Variants in EXOC6B observed in about 807,000 individuals in gnomAD.
The protein encoded by EXOC6B is SEC15 homolog B.
A neutral mutation model predicts 113.5 loss-of-function variants in EXOC6B; 54 were observed. The observed-to-expected ratio is 0.48, with a 90% CI of 0.38 to 0.60. The LOEUF is 0.60. EXOC6B is among the 20% of genes least tolerant of loss of function. The pLI is 0.00. For missense variants in EXOC6B, 797 were observed against 977.5 expected, an observed-to-expected ratio of 0.82 and a Z score of 2.46; for synonymous variants, 357 against 339.0, an observed-to-expected ratio of 1.05 and a Z score of -0.58.
chr2:72,355,811 A>G (rs1162076186), intron 19 of EXOC6B, among the ~76,000 whole-genome samples: 22 of 152,148 alleles, frequency 1.4e-4, no homozygotes, highest in Admixed American at 1.4e-3. Context: ...CCCATAGGAA[A>G]TTTGCATTTT....
chr2:72,637,284 G>T (rs906596576), intron 6 of EXOC6B, among the ~76,000 whole-genome samples: 2 of 152,024 alleles, frequency 1.3e-5, no homozygotes, highest in African/African-American at 4.8e-5. Context: ...TTGACAAATG[G>T]GATCTAATTA....
intron 18 of EXOC6B, among the ~76,000 whole-genome samples, chr2:72,421,871 G>A (rs1694891022): frequency 6.6e-6 from 1 of 152,224 alleles, no homozygotes; most frequent in Non-Finnish European, 1.5e-5. Context: ...AGCGCTTGCG[G>A]GCCAGCTGGA....
chr2:72,391,227 T>C (rs1156358185), intron 18 of EXOC6B, among the ~76,000 whole-genome samples: 1 of 152,232 alleles, frequency 6.6e-6, no homozygotes, highest in African/African-American at 2.4e-5. Flanking sequence ...TCTAGATGTT[T>C]ATGGTTGAGA....
intron 18 of EXOC6B, among the ~76,000 whole-genome samples, chr2:72,413,695 A>AG (rs1553402386): frequency 0.014 from 1,600 of 114,440 alleles, 46 homozygotes; most frequent in African/African-American, 0.062. Context: ...AAAGAAAAAA[A>AG]AAAAAAGAAA....
chr2:72,643,808 A>T (rs1051185375), intron 6 of EXOC6B, among the ~76,000 whole-genome samples: 54 of 150,276 alleles, frequency 3.6e-4, no homozygotes, highest in South Asian at 1.7e-3. Context: ...AAAAAAAATT[A>T]AAAAATAAAT....
intron 15 of EXOC6B, 27 bp from the exon 16 acceptor site, chr2:72,492,456 C>A: frequency 6.9e-7 from 1 of 1,457,074 alleles, no homozygotes; most frequent in South Asian, 1.1e-5. Context: ...AAGAGTCAGT[C>A]ATAGCAGGTA....
chr2:72,269,172 G>C (rs1170753707), intron 20 of EXOC6B, among the ~76,000 whole-genome samples: 1 of 151,576 alleles, frequency 6.6e-6, no homozygotes, highest in African/African-American at 2.4e-5. Context: ...TAACTCTACA[G>C]ATTTCTAAAT....
At chr2:72,461,108 A>G (rs1404963585) in intron 18 of EXOC6B, among the ~76,000 whole-genome samples, 8 of 151,180 alleles carry the variant, frequency 5.3e-5, no homozygotes, top group Non-Finnish European at 1.2e-4. Flanking sequence ...TATGGCAAGG[A>G]CAAAGAACCA....
At chr2:72,438,719 G>A (rs1696028093) in intron 18 of EXOC6B, among the ~76,000 whole-genome samples, 1 of 151,980 alleles carries the variant, frequency 6.6e-6, no homozygotes, top group Non-Finnish European at 1.5e-5. Context: ...CATTATTATG[G>A]TAAAATAAAT....
chr2:72,592,257 G>C (rs1026310853), intron 6 of EXOC6B, among the ~76,000 whole-genome samples: 5 of 152,170 alleles, frequency 3.3e-5, no homozygotes, highest in Admixed American at 2.0e-4. Context: ...TTCTTCCTTT[G>C]AGGGCATTTG....
chr2:72,612,265 A>C (rs1671120378), intron 6 of EXOC6B, among the ~76,000 whole-genome samples: 1 of 150,914 alleles, frequency 6.6e-6, no homozygotes, highest in Non-Finnish European at 1.5e-5. Context: ...ACAGAGCGAG[A>C]CTCTGTCTCA....
chr2:72,475,902 C>T (rs1698709551), intron 17 of EXOC6B, among the ~76,000 whole-genome samples: 1 of 152,178 alleles, frequency 6.6e-6, no homozygotes, highest in Admixed American at 6.5e-5. Flanking sequence ...AGCATCTCGG[C>T]CCCTGGTGTG....
chr2:72,588,326 T>C (rs917133568), intron 6 of EXOC6B, among the ~76,000 whole-genome samples: 2 of 152,016 alleles, frequency 1.3e-5, no homozygotes, highest in East Asian at 3.9e-4. Flanking sequence ...GGCATATACA[T>C]ACAATGAAAT....
intron 6 of EXOC6B, among the ~76,000 whole-genome samples, chr2:72,643,486 C>G (rs1673427401): frequency 1.3e-5 from 2 of 149,200 alleles, no homozygotes; most frequent in African/African-American, 5.0e-5. Flanking sequence ...AATTGGAAAT[C>G]ATCATTCTCA....
At chr2:72,466,110 C>T (rs1404725635) in intron 17 of EXOC6B, among the ~76,000 whole-genome samples, 1 of 151,864 alleles carries the variant, frequency 6.6e-6, no homozygotes, top group Non-Finnish European at 1.5e-5. Flanking sequence ...TTTGGGAGGC[C>T]GAAGTGGGTG....
chr2:72,823,456 T>TAAGAAAA lies in EXOC6B; in HGVS notation c.113+2335_113+2341dup, dbSNP rs1177458596. 6.3e-4 allele frequency among the ~76,000 whole-genome samples: 23 copies of TAAGAAAA among 36,258 alleles called. 1 individual carries two copies. Among genetic ancestry groups the TAAGAAAA allele is most frequent in the African/African-American group, 1.8e-3 (22 of 12,306 alleles). The allele number at this position is 36,258 out of a possible 152,430, so 23.8% of individuals were successfully genotyped here. On this transcript the variant is annotated intron_variant, in intron 1 of 21. Coordinates refer to ENST00000272427, the MANE Select transcript of EXOC6B (RefSeq NM_015189.3). ...CAACCAACTTCTCAAATCAAAGTTTTAAGAAAAAAAAAAAAAAAAAAACAA... is the reference window on the plus strand; with the variant it reads ...CAACCAACTTCTCAAATCAAAGTTTTAAGAAAAAAGAAAAAAAAAAAAAAAAAAACAA...
chr2:72,616,342 A>G (rs1236816929), intron 6 of EXOC6B, among the ~76,000 whole-genome samples: 1 of 152,210 alleles, frequency 6.6e-6, no homozygotes, highest in African/African-American at 2.4e-5. Context: ...CAAAAAGAAC[A>G]AAAGCTGGAG....
At chr2:72,449,853 T>C (rs1015576199) in intron 18 of EXOC6B, among the ~76,000 whole-genome samples, 1 of 152,168 alleles carries the variant, frequency 6.6e-6, no homozygotes, top group African/African-American at 2.4e-5. Context: ...TAATACTCTG[T>C]CCGACACATG....
chr2:72,664,541 T>G (rs979060780), intron 6 of EXOC6B, among the ~76,000 whole-genome samples: 3 of 152,106 alleles, frequency 2.0e-5, no homozygotes, highest in Non-Finnish European at 4.4e-5. Context: ...GAGGCATAAC[T>G]CCAACCTGAG....
Sources: gnomAD v4.1 joint callset for allele counts (sites outside exome capture counted in the v4.1 genomes callset) on GRCh38, gnomAD v4.1.1 for gene constraint, MANE v1.5 for transcripts, NCBI Gene and HGNC (gene_info 2026-07-23, HGNC 2026-07-21) for gene names.